Variants in AGBL1 observed in about 807,000 individuals in gnomAD.
AGBL1 encodes cytosolic carboxypeptidase 4.
A neutral mutation model predicts 118.9 loss-of-function variants in AGBL1; 130 were observed. The observed-to-expected ratio is 1.09, with a 90% CI of 0.95 to 1.26. The LOEUF is 1.26. AGBL1 is among the 50% of genes most tolerant of loss of function. The pLI is 0.00. For missense variants in AGBL1, 1,584 were observed against 1,298.1 expected (o/e 1.22, Z -3.38); for synonymous variants, 555 against 478.9 (o/e 1.16, Z -2.08).
chr15:86,455,204 A>G (rs2082245090), intron 18 of AGBL1, among the ~76,000 whole-genome samples: 1 of 152,194 alleles, frequency 6.6e-6, no homozygotes, highest in African/African-American at 2.4e-5. Flanking sequence ...CTGTGCCAGT[A>G]TGTCTGGTTC....
intron 23 of AGBL1, among the ~76,000 whole-genome samples, chr15:86,984,610 C>T (rs1034454543): frequency 3.9e-5 from 6 of 152,020 alleles, no homozygotes; most frequent in African/African-American, 9.7e-5. Flanking sequence ...GTGATCCACC[C>T]GCCTCAGCCT....
chr15:86,808,988 T>C (rs1206386276), intron 22 of AGBL1, among the ~76,000 whole-genome samples: 1 of 152,176 alleles, frequency 6.6e-6, no homozygotes, highest in Non-Finnish European at 1.5e-5. Flanking sequence ...GAAAAAGGCA[T>C]AACCCTATGG....
intron 22 of AGBL1, among the ~76,000 whole-genome samples, chr15:86,887,219 C>A (rs2141547013): frequency 6.6e-6 from 1 of 152,318 alleles, no homozygotes; most frequent in African/African-American, 2.4e-5. Context: ...CATCTATCCT[C>A]TGTCATTCCA....
At chr15:86,081,171 G>A (rs143342301) in intron 1 of AGBL1, among the ~76,000 whole-genome samples, 1,680 of 152,238 alleles carry the variant, frequency 0.011, 9 homozygotes, top group East Asian at 0.024. Context: ...TGCCTCCCAA[G>A]TAGGTGGGAT....
At chr15:86,934,617 C>G (rs536964878) in intron 23 of AGBL1, among the ~76,000 whole-genome samples, 44 of 152,018 alleles carry the variant, frequency 2.9e-4, no homozygotes, top group African/African-American at 1.1e-3. Context: ...TAACTGCATA[C>G]TATGTTATAT....
At chr15:86,254,554 A>C (rs1201223689) in intron 7 of AGBL1, among the ~76,000 whole-genome samples, 1 of 152,232 alleles carries the variant, frequency 6.6e-6, no homozygotes, top group Non-Finnish European at 1.5e-5. Context: ...AATTGAATGC[A>C]TTCTCATATT....
chr15:86,390,660 ATTTTTTTTTTT>A (rs756052402), intron 17 of AGBL1, among the ~76,000 whole-genome samples: 5 of 75,474 alleles, frequency 6.6e-5, no homozygotes, highest in African/African-American at 1.1e-4. Flanking sequence ...ATACTGTATG[ATTTTTTTTTTT>A]TTTTTTTTTT....
chr15:87,028,184 A>G (rs2081753389), intron 24 of AGBL1, among the ~76,000 whole-genome samples: 1 of 151,998 alleles, frequency 6.6e-6, no homozygotes, highest in Admixed American at 6.6e-5. Flanking sequence ...GATCAACCTC[A>G]TAATATTCAA....
chr15:86,616,847 A>C (rs2084734362), intron 21 of AGBL1, among the ~76,000 whole-genome samples: 2 of 152,226 alleles, frequency 1.3e-5, no homozygotes, highest in Admixed American at 6.5e-5. Context: ...AGAAAAGGAA[A>C]GAAACTGAAA....
chr15:86,888,846 G>A (rs543596459), intron 22 of AGBL1, among the ~76,000 whole-genome samples: 1 of 152,264 alleles, frequency 6.6e-6, no homozygotes, highest in Non-Finnish European at 1.5e-5. Flanking sequence ...AAGCTGCAGA[G>A]GAGTTAAAAA....
chr15:86,815,668 T>C lies in AGBL1; in HGVS notation c.3159-91419T>C, dbSNP rs189952937. Among the ~76,000 whole-genome samples the C allele has an allele frequency of 4.6e-5, 7 of 152,080 alleles. No homozygotes were observed. In the East Asian group the frequency reaches 7.8e-4, roughly 17 times the overall value. On this transcript the variant is annotated intron_variant, in intron 22 of 22. Transcript: ENST00000614907. ...ACGGTTCTGGGTTTGGTGGATTCAGTTTGTGGACTGGGAGGAGATGAGGGG... is the reference window on the plus strand; with the variant it reads ...ACGGTTCTGGGTTTGGTGGATTCAGCTTGTGGACTGGGAGGAGATGAGGGG...
At chr15:86,898,231 AAGT>A (rs2080159348) in intron 22 of AGBL1, among the ~76,000 whole-genome samples, 1 of 152,328 alleles carries the variant, frequency 6.6e-6, no homozygotes, top group Admixed American at 6.5e-5. Context: ...GCTGTCTAAA[AAGT>A]AGCTTGACTG....
intron 22 of AGBL1, among the ~76,000 whole-genome samples, chr15:86,820,616 C>A (rs906159695): frequency 1.3e-5 from 2 of 152,116 alleles, no homozygotes; most frequent in African/African-American, 4.8e-5. Context: ...AAATGTAAAT[C>A]AAAACCACAG....
At chr15:86,214,562 A>G (rs1016008520) in intron 5 of AGBL1, among the ~76,000 whole-genome samples, 1 of 152,238 alleles carries the variant, frequency 6.6e-6, no homozygotes, top group Non-Finnish European at 1.5e-5. Flanking sequence ...CTAACTTGAG[A>G]GTCACACCTC....
intron 15 of AGBL1, 54 bp from the exon 16 acceptor site, chr15:86,279,585 C>T (rs1026232493): frequency 8.3e-6 from 13 of 1,559,468 alleles, no homozygotes; most frequent in Admixed American, 1.7e-5. Flanking sequence ...AATGACCCTG[C>T]ACCCCCCTCC....
At chr15:86,273,198 G>C (rs1050646491) in intron 15 of AGBL1, among the ~76,000 whole-genome samples, 8 of 152,134 alleles carry the variant, frequency 5.3e-5, no homozygotes, top group African/African-American at 1.9e-4. Flanking sequence ...AGGCTAAGGG[G>C]ACCACGTATT....
intron 17 of AGBL1, among the ~76,000 whole-genome samples, chr15:86,373,395 T>A (rs558359034): frequency 1.1e-4 from 16 of 152,292 alleles, no homozygotes; most frequent in African/African-American, 3.8e-4. Context: ...AGAATAGTAA[T>A]GGCTTAGCAT....
intron 21 of AGBL1, among the ~76,000 whole-genome samples, chr15:86,643,177 TA>T (rs2085221064): frequency 6.6e-6 from 1 of 152,174 alleles, no homozygotes; most frequent in Admixed American, 6.5e-5. Context: ...TAAGCTCATA[TA>T]AAAAAGAAGT....
chr15:86,727,415 T>G (rs1237584913), intron 22 of AGBL1, among the ~76,000 whole-genome samples: 2 of 152,148 alleles, frequency 1.3e-5, no homozygotes, highest in African/African-American at 4.8e-5. Flanking sequence ...TATCATTAAT[T>G]TTTTTTAAAT....
Sources: allele counts gnomAD v4.1 joint callset (sites outside exome capture counted in the v4.1 genomes callset), GRCh38; gene constraint gnomAD v4.1.1; transcripts MANE v1.5; gene names NCBI Gene and HGNC (gene_info 2026-07-23, HGNC 2026-07-21).